The following RAB7A variants were observed in gnomAD, a reference collection of about 807,000 sequenced individuals.
RAB7A encodes ras-related protein Rab-7a.
In RAB7A, 2 loss-of-function variants were observed where a neutral mutation model predicts 24.5. The observed-to-expected ratio is 0.08, with a 90% CI of 0.03 to 0.26. The LOEUF is 0.26. Ranked by LOEUF, RAB7A falls within the 10% of genes least tolerant of loss-of-function variation. The pLI is 1.00. For synonymous variants in RAB7A, 100 were observed against 95.9 expected, an observed-to-expected ratio of 1.04 and a Z score of -0.25; for missense variants, 118 against 255.7, an observed-to-expected ratio of 0.46 and a Z score of 3.67.
At chr3:128,770,386 G>A (rs932322841) in intron 1 of RAB7A, among the ~76,000 whole-genome samples, 2 of 152,166 alleles carry the variant, frequency 1.3e-5, no homozygotes, top group Admixed American at 6.5e-5. Context: ...TTGAGGCCTA[G>A]TACAGGAGCT....
chr3:128,781,591 C>T (rs141630064), intron 1 of RAB7A, among the ~76,000 whole-genome samples: 3 of 152,166 alleles, frequency 2.0e-5, no homozygotes, highest in Non-Finnish European at 4.4e-5. Flanking sequence ...GTGGGAGGAT[C>T]TCTTGAGCCC....
chr3:128,810,612 G>A (rs1450937176), intron 5 of RAB7A, among the ~76,000 whole-genome samples: 1 of 150,912 alleles, frequency 6.6e-6, no homozygotes, highest in Non-Finnish European at 1.5e-5. Context: ...TGAGCAAGGT[G>A]TCTCTGGTGT....
intron 1 of RAB7A, among the ~76,000 whole-genome samples, chr3:128,743,567 G>A (rs960005611): frequency 6.6e-6 from 1 of 152,166 alleles, no homozygotes; most frequent in African/African-American, 2.4e-5. Flanking sequence ...GCTAGCCAAA[G>A]ACATTAGAGC....
At chr3:128,769,820 G>C (rs1035624308) in intron 1 of RAB7A, among the ~76,000 whole-genome samples, 2 of 152,168 alleles carry the variant, frequency 1.3e-5, no homozygotes, top group Non-Finnish European at 2.9e-5. Context: ...GCTTTGTAAG[G>C]TGGGAACAGT....
chr3:128,747,853 C>T (rs150791869), intron 1 of RAB7A, among the ~76,000 whole-genome samples: 6,306 of 151,356 alleles, frequency 0.042, 193 homozygotes, highest in Non-Finnish European at 0.058. Context: ...CTGCAACCTC[C>T]GCCTCATGGG....
intron 2 of RAB7A, among the ~76,000 whole-genome samples, chr3:128,796,315 C>T (rs373497486): frequency 3.0e-4 from 46 of 151,788 alleles, no homozygotes; most frequent in African/African-American, 1.1e-3. Context: ...AAAATTTAGC[C>T]AGGTGCCGTA....
intron 1 of RAB7A, among the ~76,000 whole-genome samples, chr3:128,727,288 C>T (rs939037515): frequency 1.3e-5 from 2 of 152,164 alleles, no homozygotes; most frequent in South Asian, 2.1e-4. Context: ...TGGCCAAGGT[C>T]ACACAGCTAA....
chr3:128,765,117 G>T, intron 1 of RAB7A: 6 of 736,822 alleles, frequency 8.1e-6, no homozygotes, highest in Non-Finnish European at 1.4e-5. Flanking sequence ...GGGGACAGAG[G>T]GCTGGCTACG....
At chr3:128,751,741 A>G (rs967581555) in intron 1 of RAB7A, among the ~76,000 whole-genome samples, 6 of 152,296 alleles carry the variant, frequency 3.9e-5, no homozygotes, top group African/African-American at 1.2e-4. Context: ...ATGTGAGGAC[A>G]TTAGATTTGG....
intron 1 of RAB7A, among the ~76,000 whole-genome samples, chr3:128,775,486 ACT>A (rs201679121): frequency 0.03 from 4,598 of 151,612 alleles, 124 homozygotes; most frequent in Non-Finnish European, 0.044. Flanking sequence ...TGATTTGAGA[ACT>A]CTGGGGCTTG....
intron 1 of RAB7A, among the ~76,000 whole-genome samples, chr3:128,752,203 T>C (rs1173271831): frequency 6.6e-6 from 1 of 152,150 alleles, no homozygotes; most frequent in Non-Finnish European, 1.5e-5. Context: ...CTATGCTAAC[T>C]AACTAATGAA....
intron 1 of RAB7A, among the ~76,000 whole-genome samples, chr3:128,726,804 TC>T (rs1181576366): frequency 2.0e-5 from 3 of 152,134 alleles, no homozygotes; most frequent in Non-Finnish European, 2.9e-5. Context: ...CGCGTTCCCA[TC>T]CGGTTCTTCA....
At chr3:128,762,344 G>A (rs1171782200) in intron 1 of RAB7A, among the ~76,000 whole-genome samples, 2 of 152,188 alleles carry the variant, frequency 1.3e-5, no homozygotes, top group East Asian at 1.9e-4. Flanking sequence ...GGAATTGGAA[G>A]GAGTGTTTAC....
intron 3 of RAB7A, among the ~76,000 whole-genome samples, chr3:128,799,401 G>GC (rs1933648416): frequency 6.6e-6 from 1 of 152,118 alleles, no homozygotes; most frequent in Non-Finnish European, 1.5e-5. Context: ...TATCTCCATG[G>GC]CAGTTGTTCT....
chr3:128,764,684 T>G lies in RAB7A; in HGVS notation c.-8-30676T>G, dbSNP rs1576283775. The G allele has an allele frequency of 4.8e-6, 4 of 839,866 alleles. No homozygotes were observed. The East Asian group carries it at 7.2e-5, about 15-fold the overall frequency. The allele number at this position is 839,866 out of a possible 1,614,324, so 52.0% of individuals were successfully genotyped here. ...TTGTGCAGTTCCAATAGTGACTGAT[T>G]CACATTTTTTTCCAAATGTGATGCA... On this transcript the variant is annotated intron_variant, in intron 1 of 5. Transcript: ENST00000265062.
intron 1 of RAB7A, among the ~76,000 whole-genome samples, chr3:128,765,950 C>T (rs527892881): frequency 1.2e-4 from 19 of 152,062 alleles, no homozygotes; most frequent in East Asian, 5.8e-4. Flanking sequence ...TTAGTAGAGA[C>T]GGAGTTTCAC....
intron 1 of RAB7A, among the ~76,000 whole-genome samples, chr3:128,774,355 T>C (rs1042679793): frequency 5.9e-5 from 9 of 152,046 alleles, no homozygotes; most frequent in African/African-American, 1.7e-4. Context: ...CTTAACTCTT[T>C]GTGGTGTTGG....
At chr3:128,731,997 C>T (rs1173901488) in intron 1 of RAB7A, among the ~76,000 whole-genome samples, 3 of 143,796 alleles carry the variant, frequency 2.1e-5, no homozygotes, top group African/African-American at 7.6e-5. Context: ...GAGCAAGATT[C>T]CATCTCAAAA....
intron 1 of RAB7A, among the ~76,000 whole-genome samples, chr3:128,794,509 A>G (rs1933525840): frequency 6.6e-6 from 1 of 152,190 alleles, no homozygotes; most frequent in Non-Finnish European, 1.5e-5. Flanking sequence ...CCTTGCCTTC[A>G]AAAGGTAGGT....
Sources: allele counts gnomAD v4.1 joint callset (sites outside exome capture counted in the v4.1 genomes callset), GRCh38; gene constraint gnomAD v4.1.1; transcripts MANE v1.5; gene names NCBI Gene and HGNC (gene_info 2026-07-23, HGNC 2026-07-21).